Variants in PIWIL3 observed in about 807,000 individuals in gnomAD.
PIWIL3 encodes the protein piwi like RNA-mediated gene silencing 3, also known as piwi-like protein 3.
Under a neutral mutation model 109.7 loss-of-function variants are expected in PIWIL3, and 101 were observed. That is an observed-to-expected ratio of 0.92 (90% CI 0.78 to 1.09). PIWIL3 has a LOEUF of 1.09. Among genes scored for constraint, PIWIL3 ranks in the 50% least tolerant of loss-of-function variants. The probability of loss-of-function intolerance (pLI) is 0.00; values close to 1 mark genes in which losing one functional copy is unlikely to be tolerated. For synonymous variants in PIWIL3, 373 were observed against 376.4 expected (o/e 0.99, Z 0.10); for missense variants, 1,031 against 1,072.6 (o/e 0.96, Z 0.54).
chr22:24,754,875 AAAG>A lies in PIWIL3; in HGVS notation c.693-14_693-12del. 2 of 1,606,776 alleles carry A rather than the reference AAAG, an allele frequency of 1.2e-6. No individual in the cohort carries two copies. The highest frequency in any genetic ancestry group is 1.7e-6 in the Non-Finnish European group (2 of 1,173,532). ...AGCAGCTTGAAAGTTCTGGAAATGG[AAAG>A]AATAGATTTTGTTGAAAGTACAGGG... On this transcript the variant is annotated splice_polypyrimidine_tract_variant and intron_variant, in intron 6 of 20. Transcript: ENST00000616349.
intron 1 of PIWIL3, among the ~76,000 whole-genome samples, chr22:24,772,536 A>C (rs541325562): frequency 3.4e-4 from 52 of 152,316 alleles, no homozygotes; most frequent in African/African-American, 1.2e-3. Context: ...CAATCTGTGC[A>C]AAGAGCTCAG....
intron 12 of PIWIL3, among the ~76,000 whole-genome samples, chr22:24,746,751 C>A (rs1040083361): frequency 1.3e-5 from 2 of 151,540 alleles, no homozygotes; most frequent in Admixed American, 1.3e-4. Context: ...ATCCCATTTA[C>A]AATAGATAAA....
intron 12 of PIWIL3, among the ~76,000 whole-genome samples, chr22:24,738,840 A>G (rs1307235834): frequency 6.6e-6 from 1 of 152,124 alleles, no homozygotes; most frequent in Non-Finnish European, 1.5e-5. Context: ...AAGCATCAAG[A>G]CCATCCAGGA....
chr22:24,757,483 T>C lies in PIWIL3; in HGVS notation c.355+425A>G, dbSNP rs553330511. On this transcript the variant is annotated intron_variant, in intron 4 of 20. Transcript: ENST00000616349. The stretch of plus-strand genomic sequence containing the variant: ...GAAGCTTTCCAGAATCTATTAAAGT[T>C]TTTATCGAAAGTTTAAAATGGGCCA... Among the ~76,000 whole-genome samples the C allele has an allele frequency of 2.0e-5, 3 of 152,110 alleles. No homozygotes were observed. In the East Asian group the frequency reaches 5.8e-4, roughly 29 times the overall value.
chr22:24,746,371 C>T (rs1267063436), intron 12 of PIWIL3, among the ~76,000 whole-genome samples: 1 of 152,048 alleles, frequency 6.6e-6, no homozygotes, highest in Non-Finnish European at 1.5e-5. Flanking sequence ...ATTCAATATC[C>T]CTTCATAATT....
At position 24,755,854 on chromosome 22, in the gene PIWIL3, C is replaced by T. The variant is rs543394648; in HGVS notation, c.622G>A (p.Val208Ile). The part of the protein sequence containing the change: ...TKDKNIVKIT[V>I]EFSKELTPTS... Reference sequence around the variant, plus strand: ...GGCGTGAGTTCTTTGGAAAACTCAACTGTAATCTTCACGATGTTTTTGTCT... The same window carrying T: ...GGCGTGAGTTCTTTGGAAAACTCAATTGTAATCTTCACGATGTTTTTGTCT... The change falls in exon 6 of 21, where the codon GTT (valine) becomes ATT (isoleucine). Residue 208 changes from valine (V) to isoleucine (I), a missense_variant. Transcript: ENST00000616349. 1 of 1,613,864 alleles carries T rather than the reference C, an allele frequency of 6.2e-7. No homozygotes were observed. Among genetic ancestry groups the T allele is most frequent in the Non-Finnish European group, 8.5e-7 (1 of 1,179,846 alleles).
Position 24,723,173 on chromosome 22 carries a change from G to C in PIWIL3, c.2314C>G (p.Pro772Ala), listed in dbSNP as rs1922776869. The C allele has an allele frequency of 7.4e-6, 12 of 1,612,912 alleles. No homozygotes were observed. The highest frequency in any genetic ancestry group is 1.3e-5 in the African/African-American group (1 of 74,894). The change falls in exon 19 of 21, where the codon CCT becomes GCT. Residue 772 changes from proline to alanine, a missense_variant. Physicochemically the swap from Pro to Ala is conservative, Grantham distance 27 (BLOSUM62 -1). Transcript: ENST00000616349. ...TCTACATCAATAACTGTTCCTGGAG[G>C]TGGATTTTGAAAATTGCTTCCATGT... Reference protein sequence around the residue: ...LKHGSNFQNPPPGTVIDVELT... With the variant: ...LKHGSNFQNPAPGTVIDVELT...
chr22:24,759,611 C>G (rs999629582), intron 3 of PIWIL3, among the ~76,000 whole-genome samples: 2 of 152,228 alleles, frequency 1.3e-5, no homozygotes, highest in African/African-American at 4.8e-5. Context: ...GATGTGTCAT[C>G]TAAATTTGAA....
intron 19 of PIWIL3, 123 bp downstream of exon 19, chr22:24,723,007 C>A: frequency 8.8e-7 from 1 of 1,136,924 alleles, no homozygotes; most frequent in Non-Finnish European, 1.2e-6. Flanking sequence ...AAAAAACAGA[C>A]CAAATTAGTT....
At position 24,749,819 on chromosome 22, in the gene PIWIL3, G is replaced by C. The variant is rs777554239; in HGVS notation, c.1090C>G (p.Gln364Glu). ...TTCACTGTGACAATTTCTTTATGTT[G>C]CTGCTCAACAAACAAGAGACCAGCA... ...KITYIDYYRQ[Q>E]HKEIVTVKKQ... Residue 364 changes from glutamine to glutamate, a missense_variant and splice_region_variant, in exon 10 of 21, where the codon CAA becomes GAA. Gln to Glu is a conservative substitution (Grantham distance 29). Coordinates refer to ENST00000616349, the MANE Select transcript of PIWIL3 (RefSeq NM_001255975.1). 2 of 1,613,488 alleles carry C rather than the reference G, an allele frequency of 1.2e-6. No homozygotes were observed. The highest frequency in any genetic ancestry group is 4.5e-5 in the East Asian group (2 of 44,798).
chr22:24,751,045 A>G (rs1458382255), intron 9 of PIWIL3, among the ~76,000 whole-genome samples: 3 of 151,738 alleles, frequency 2.0e-5, no homozygotes, highest in Non-Finnish European at 4.4e-5. Flanking sequence ...AATTGCTTGA[A>G]CCTGAAAGGT....
Position 24,755,901 on chromosome 22 carries a change from A to T in PIWIL3, c.575T>A (p.Val192Glu), listed in dbSNP as rs1196251423. The T allele has an allele frequency of 1.9e-6, 3 of 1,608,022 alleles. No individual in the cohort carries two copies. The South Asian group carries it at 3.3e-5, about 18-fold the overall frequency. The change falls in exon 6 of 21, where the codon GTG (valine) becomes GAG (glutamate). Residue 192 changes from valine (V) to glutamate (E), a missense_variant. Coordinates refer to ENST00000616349, the MANE Select transcript of PIWIL3 (RefSeq NM_001255975.1). ...LLSRPLKERR[V>E]EWLSTTKDKN... ...GTCTTTGGTTGTGCTCAACCATTCC[A>T]CTCTCTGAGATTAAAAAAAAACAAA... is the stretch of plus-strand genomic sequence containing the variant.
intron 3 of PIWIL3, 35 bp downstream of exon 3, chr22:24,759,834 C>T: frequency 6.2e-7 from 1 of 1,613,562 alleles, no homozygotes; most frequent in Non-Finnish European, 8.5e-7. Context: ...CATGAAGCAT[C>T]CCCTGCCCCT....
chr22:24,725,678 T>G (rs910455002), intron 16 of PIWIL3, among the ~76,000 whole-genome samples, 163 bp from the exon 17 acceptor site: 1 of 152,270 alleles, frequency 6.6e-6, no homozygotes, highest in East Asian at 1.9e-4. Context: ...TTTGATATCT[T>G]AGGCATTTTA....
At chr22:24,771,168 A>G (rs1754923139) in intron 1 of PIWIL3, among the ~76,000 whole-genome samples, 1 of 152,100 alleles carries the variant, frequency 6.6e-6, no homozygotes. Context: ...ACATTTAAAG[A>G]AAGTTACTTT....
chr22:24,737,736 AGGCCTG>A (rs1378095208), intron 12 of PIWIL3, among the ~76,000 whole-genome samples: 1 of 152,160 alleles, frequency 6.6e-6, no homozygotes, highest in East Asian at 1.9e-4. Context: ...GGTAAGTCCT[AGGCCTG>A]GCAGCATTCA....
chr22:24,773,271 C>G (rs1034920304), intron 1 of PIWIL3, among the ~76,000 whole-genome samples: 6 of 152,234 alleles, frequency 3.9e-5, no homozygotes, highest in African/African-American at 1.4e-4. Flanking sequence ...TCCCTTCCCC[C>G]TTTTCCATAC....
intron 10 of PIWIL3, 45 bp downstream of exon 10, chr22:24,749,648 C>T (rs778791378): frequency 6.8e-5 from 109 of 1,613,556 alleles, no homozygotes; most frequent in Non-Finnish European, 8.2e-5. Context: ...TGCGTTAAGT[C>T]GTAATTATAC....
In PIWIL3 at chr22:24,768,295, GGC is replaced by G. The variant is rs1488058956; in HGVS notation, c.-22-5776_-22-5775del. ...AGATGGAGTCTTGCTCTGTTGCCCA[GGC>G]TGGAGTGAGTGCAGTGACACAATCT... On this transcript the variant is annotated intron_variant, in intron 1 of 20. Coordinates refer to ENST00000616349, the MANE Select transcript of PIWIL3 (RefSeq NM_001255975.1). 1.3e-4 allele frequency among the ~76,000 whole-genome samples: 19 copies of G among 151,248 alleles called. 1 individual carries two copies. The South Asian group carries it at 4.0e-3, about 32-fold the overall frequency.
Sources: gnomAD v4.1 joint callset for allele counts (sites outside exome capture counted in the v4.1 genomes callset) on GRCh38, gnomAD v4.1.1 for gene constraint, MANE v1.5 for transcripts, NCBI Gene and HGNC (gene_info 2026-07-23, HGNC 2026-07-21) for gene names.